The following RALGAPA1 variants were observed in gnomAD, a reference collection of about 807,000 sequenced individuals.
RALGAPA1 encodes Ral GTPase activating protein catalytic subunit alpha 1, also known as ral GTPase-activating protein subunit alpha-1.
Under a neutral mutation model 269.6 loss-of-function variants are expected in RALGAPA1, and 52 were observed. That is an observed-to-expected ratio of 0.19 (90% confidence interval 0.15 to 0.24). The LOEUF (loss-of-function observed/expected upper bound fraction) is 0.24, where lower values mean the gene tolerates loss of function less well. RALGAPA1 is among the 10% of genes least tolerant of loss of function. RALGAPA1 has a pLI of 1.00. For synonymous variants in RALGAPA1, 817 were observed against 1,008.3 expected, an observed-to-expected ratio of 0.81 and a Z score of 3.60; for missense variants, 1,917 against 3,013.9, an observed-to-expected ratio of 0.64 and a Z score of 8.52.
intron 1 of RALGAPA1, among the ~76,000 whole-genome samples, chr14:35,776,606 T>C (rs1436679981): frequency 1.3e-5 from 2 of 152,080 alleles, no homozygotes; most frequent in African/African-American, 2.4e-5. Context: ...TGTCAAAGTA[T>C]ATGGCAGTTT....
rs1015769087 is a variant in RALGAPA1, at chr14:35,723,216, G to A, written c.1915C>T (p.Arg639Ter). 6.2e-7 allele frequency: 1 copy of A among 1,613,176 alleles called. No individual in the cohort carries two copies. Among genetic ancestry groups the A allele is most frequent in the Non-Finnish European group, 8.5e-7 (1 of 1,179,470 alleles). The change falls in exon 15 of 42, where the codon CGA (arginine) becomes TGA (stop). Residue 639 changes from arginine (R) to a stop codon, truncating the protein, a stop_gained. Coordinates refer to ENST00000680220, the MANE Select transcript of RALGAPA1 (RefSeq NM_001346249.2). LOFTEE classifies it high-confidence loss of function. ...GACAGTAAGTCATCCCAAAGTTCTC[G>A]GGAGATGTACACATTTAGGTTTGCT... ...IKANLNVYIS[R>*]ELWDDLLSVL...
intron 31 of RALGAPA1, among the ~76,000 whole-genome samples, chr14:35,649,379 T>C (rs1277020262): frequency 6.6e-6 from 1 of 152,230 alleles, no homozygotes; most frequent in Non-Finnish European, 1.5e-5. Context: ...ACAAATCTGG[T>C]CATATTTTAT....
At chr14:35,756,227 T>G (rs1375413066) in intron 7 of RALGAPA1, 1 of 152,234 alleles carries the variant, frequency 6.6e-6, no homozygotes, top group Non-Finnish European at 1.5e-5. Flanking sequence ...TCTAGATTCC[T>G]AAGAGTGTCA....
chr14:35,728,627 A>C, intron 12 of RALGAPA1, 117 bp from the exon 13 acceptor site: 5 of 1,345,084 alleles, frequency 3.7e-6, no homozygotes, highest in Admixed American at 3.4e-5. Context: ...TAATAACTGA[A>C]ACATAAACTC....
chr14:35,578,628 A>G (rs1377699448), intron 37 of RALGAPA1, among the ~76,000 whole-genome samples: 3 of 152,370 alleles, frequency 2.0e-5, no homozygotes, highest in Middle Eastern at 3.4e-3. Flanking sequence ...TGGGCATTCA[A>G]TAAATACTGG....
intron 26 of RALGAPA1, among the ~76,000 whole-genome samples, chr14:35,665,247 GCC>G (rs2063834582): frequency 6.6e-6 from 1 of 152,138 alleles, no homozygotes; most frequent in African/African-American, 2.4e-5. Flanking sequence ...GAAAAGCATT[GCC>G]TATACCACTT....
intron 12 of RALGAPA1, among the ~76,000 whole-genome samples, chr14:35,731,855 C>G (rs1449948325): frequency 6.6e-6 from 1 of 152,108 alleles, no homozygotes; most frequent in Non-Finnish European, 1.5e-5. Flanking sequence ...TGATAGAGAC[C>G]TACACATCCA....
intron 35 of RALGAPA1, among the ~76,000 whole-genome samples, chr14:35,624,048 C>T (rs1367412670): frequency 6.7e-6 from 1 of 150,342 alleles, no homozygotes; most frequent in Non-Finnish European, 1.5e-5. Context: ...GATCGCACCA[C>T]TGCACTCCAG....
intron 16 of RALGAPA1, among the ~76,000 whole-genome samples, chr14:35,712,706 T>C (rs1043662569): frequency 6.6e-6 from 1 of 152,132 alleles, no homozygotes; most frequent in Non-Finnish European, 1.5e-5. Flanking sequence ...AGGGTCTCAC[T>C]ATGTTGCTCA....
chr14:35,686,485 T>C lies in RALGAPA1; in HGVS notation c.4077+57A>G, dbSNP rs1355237004. ...ATTGACATATATGTACATAGGTATATATCTGTTAGTTTTTCTACCCTCCTC... is the reference window on the plus strand; with the variant it reads ...ATTGACATATATGTACATAGGTATACATCTGTTAGTTTTTCTACCCTCCTC... On this transcript the variant is annotated intron_variant, in intron 19 of 41. Coordinates refer to ENST00000680220, the MANE Select transcript of RALGAPA1 (RefSeq NM_001346249.2). 7.6e-6 allele frequency: 11 copies of C among 1,445,588 alleles called. No homozygotes were observed. In the Admixed American group the frequency reaches 8.7e-5, roughly 11 times the overall value. The allele number at this position is 1,445,588 out of a possible 1,614,324, so 89.5% of individuals were successfully genotyped here. A position where few individuals can be genotyped will look rare whatever the true frequency, so the allele number is the denominator to read the frequency against.
At chr14:35,757,101 T>C (rs1055280360) in intron 6 of RALGAPA1, among the ~76,000 whole-genome samples, 193 bp from the exon 7 acceptor site, 1 of 139,204 alleles carries the variant, frequency 7.2e-6, no homozygotes, top group Non-Finnish European at 1.5e-5. Flanking sequence ...TATTTATTTA[T>C]TTATTATTAT....
chr14:35,592,842 G>GGAAA (rs371246302), intron 37 of RALGAPA1, among the ~76,000 whole-genome samples: 57 of 152,188 alleles, frequency 3.7e-4, no homozygotes, highest in African/African-American at 1.3e-3. Context: ...AGGTATAGAA[G>GGAAA]GAAAGTTCTT....
chr14:35,638,885 C>T (rs577397968), intron 31 of RALGAPA1, among the ~76,000 whole-genome samples: 4 of 151,592 alleles, frequency 2.6e-5, no homozygotes, highest in East Asian at 1.9e-4. Context: ...GAGATTGCGC[C>T]GCTGCACTCC....
chr14:35,570,825 C>T, intron 38 of RALGAPA1, 81 bp from the exon 39 acceptor site: 1 of 1,306,014 alleles, frequency 7.7e-7, no homozygotes, highest in Non-Finnish European at 1.0e-6. Context: ...ACTTTGCATC[C>T]AAAAGTATTT....
At chr14:35,702,337 T>A (rs2140654376) in intron 16 of RALGAPA1, among the ~76,000 whole-genome samples, 1 of 152,318 alleles carries the variant, frequency 6.6e-6, no homozygotes, top group East Asian at 1.9e-4. Context: ...AATGTATGAA[T>A]GCCAGCAAAA....
chr14:35,627,028 T>C (rs2061034463), intron 34 of RALGAPA1, 62 bp downstream of exon 34: 1 of 1,371,002 alleles, frequency 7.3e-7, no homozygotes, highest in Admixed American at 2.9e-5. Context: ...TAAAATGCTT[T>C]ATCAGAAGAT....
chr14:35,609,660 T>A (rs931391729), intron 35 of RALGAPA1, among the ~76,000 whole-genome samples: 2 of 152,138 alleles, frequency 1.3e-5, no homozygotes, highest in Admixed American at 1.3e-4. Context: ...CAGTGGTTCA[T>A]ACCTGTAATC....
intron 37 of RALGAPA1, among the ~76,000 whole-genome samples, chr14:35,588,233 A>G (rs1055883772): frequency 2.0e-5 from 3 of 152,132 alleles, no homozygotes; most frequent in African/African-American, 4.8e-5. Flanking sequence ...CCGGCCAACA[A>G]CTCTTAAATG....
chr14:35,790,684 T>C (rs78109953), intron 1 of RALGAPA1, among the ~76,000 whole-genome samples: 422 of 92,416 alleles, frequency 4.6e-3, no homozygotes, highest in Non-Finnish European at 8.4e-3. Flanking sequence ...AGAGACTGTC[T>C]AAAAAAAAAA....
Sources: allele counts gnomAD v4.1 joint callset (sites outside exome capture counted in the v4.1 genomes callset), GRCh38; gene constraint gnomAD v4.1.1; transcripts MANE v1.5; gene names NCBI Gene and HGNC (gene_info 2026-07-23, HGNC 2026-07-21).